Variants in FAF1 observed in about 807,000 individuals in gnomAD.
FAF1 encodes Fas associated factor 1.
Under a neutral mutation model 92.5 loss-of-function variants are expected in FAF1, and 25 were observed. That is an observed-to-expected ratio of 0.27 (90% CI 0.20 to 0.38). The LOEUF (loss-of-function observed/expected upper bound fraction) is 0.38. Ranked by LOEUF, FAF1 falls within the 10% of genes least tolerant of loss-of-function variation. The pLI, the probability that FAF1 is intolerant of heterozygous loss-of-function variation, is 1.00. For missense variants in FAF1, 636 were observed against 793.3 expected (o/e 0.80, Z 2.38); for synonymous variants, 234 against 273.2 (o/e 0.86, Z 1.42).
intron 1 of FAF1, among the ~76,000 whole-genome samples, chr1:50,947,187 C>CT (rs35695196): frequency 1 from 151,976 of 152,328 alleles, 75,813 homozygotes; most frequent in Middle Eastern, 1. Flanking sequence ...TCAACCACTA[C>CT]TTCCCTTAGG....
At chr1:50,734,733 CAAA>C (rs71672961) in intron 6 of FAF1, among the ~76,000 whole-genome samples, 2 of 84,182 alleles carry the variant, frequency 2.4e-5, no homozygotes, top group Admixed American at 1.4e-4. Flanking sequence ...GACTCCATCT[CAAA>C]AAAAAAAAAA....
At chr1:50,952,180 G>A (rs1017263715) in intron 1 of FAF1, among the ~76,000 whole-genome samples, 6 of 152,150 alleles carry the variant, frequency 3.9e-5, no homozygotes, top group South Asian at 2.1e-4. Context: ...CTGGACTGCC[G>A]CCATCTCGGC....
intron 2 of FAF1, among the ~76,000 whole-genome samples, chr1:50,819,788 CATAT>C (rs778909423): frequency 1.8e-5 from 1 of 54,216 alleles, no homozygotes; most frequent in South Asian, 6.1e-4. Context: ...CATATATATA[CATAT>C]ATATATATAC....
At chr1:50,485,031 C>A (rs907946660) in intron 17 of FAF1, among the ~76,000 whole-genome samples, 1 of 151,158 alleles carries the variant, frequency 6.6e-6, no homozygotes, top group East Asian at 1.9e-4. Flanking sequence ...GTGCAGCACA[C>A]CAACATGGCA....
intron 1 of FAF1, among the ~76,000 whole-genome samples, chr1:50,882,518 C>T (rs1046396314): frequency 6.6e-6 from 1 of 151,868 alleles, no homozygotes; most frequent in African/African-American, 2.4e-5. Flanking sequence ...AGAAGAATGG[C>T]TTGAGCCCGA....
intron 2 of FAF1, among the ~76,000 whole-genome samples, chr1:50,817,414 T>C (rs1416160185): frequency 2.0e-5 from 3 of 152,230 alleles, no homozygotes; most frequent in Non-Finnish European, 4.4e-5. Flanking sequence ...TGATTCCATT[T>C]ACATGAGGTA....
At chr1:50,706,416 A>T (rs2124425122) in intron 6 of FAF1, among the ~76,000 whole-genome samples, 1 of 152,320 alleles carries the variant, frequency 6.6e-6, no homozygotes, top group African/African-American at 2.4e-5. Context: ...TTCACTTAGG[A>T]CTCAGTAATA....
chr1:50,760,865 C>CA (rs1244302584), intron 4 of FAF1, among the ~76,000 whole-genome samples: 23 of 151,964 alleles, frequency 1.5e-4, no homozygotes, highest in Non-Finnish European at 2.9e-4. Flanking sequence ...AATAGAGACA[C>CA]AAAAAACCCT....
intron 4 of FAF1, among the ~76,000 whole-genome samples, chr1:50,762,785 A>G (rs1384641775): frequency 6.6e-6 from 1 of 152,066 alleles, no homozygotes; most frequent in Non-Finnish European, 1.5e-5. Flanking sequence ...ATGGGCAAGG[A>G]CTTCATGTCT....
At chr1:50,901,553 A>C (rs1022245823) in intron 1 of FAF1, among the ~76,000 whole-genome samples, 1 of 151,644 alleles carries the variant, frequency 6.6e-6, no homozygotes, top group African/African-American at 2.4e-5. Flanking sequence ...TTAAAAATTT[A>C]AAAAGAAAAA....
At chr1:50,754,813 G>A (rs1660012164) in intron 4 of FAF1, among the ~76,000 whole-genome samples, 1 of 152,134 alleles carries the variant, frequency 6.6e-6, no homozygotes, top group Non-Finnish European at 1.5e-5. Context: ...TGGAAGGCAA[G>A]GAGGAGCAAG....
intron 7 of FAF1, among the ~76,000 whole-genome samples, chr1:50,685,988 C>A (rs942144356): frequency 6.6e-6 from 1 of 152,126 alleles, no homozygotes; most frequent in Non-Finnish European, 1.5e-5. Context: ...TAATTAATAT[C>A]TTTATTCCCT....
At chr1:50,635,105 A>T (rs1279958592) in intron 8 of FAF1, among the ~76,000 whole-genome samples, 1 of 152,202 alleles carries the variant, frequency 6.6e-6, no homozygotes, top group Non-Finnish European at 1.5e-5. Context: ...ACCAAAATAG[A>T]GTACTACTGC....
rs866892034 is a variant in FAF1, at chr1:50,889,520, C to G, written c.46-31523G>C. 3.9e-5 allele frequency among the ~76,000 whole-genome samples: 6 copies of G among 152,330 alleles called. No homozygotes were observed. In the South Asian group the frequency reaches 1.2e-3, roughly 32 times the overall value. On this transcript the variant is annotated intron_variant, in intron 1 of 18. Transcript: ENST00000396153. ...GGCATTTAGTGCTATAAATTTCCCT[C>G]TACACACTGCTTTAAATGTGTCCCA... is the stretch of plus-strand genomic sequence containing the variant.
chr1:50,609,191 T>G (rs1281078884), intron 8 of FAF1, among the ~76,000 whole-genome samples: 3 of 152,232 alleles, frequency 2.0e-5, no homozygotes, highest in Middle Eastern at 3.2e-3. Context: ...GCTTTAGGTT[T>G]GTGAATAAAG....
intron 1 of FAF1, among the ~76,000 whole-genome samples, chr1:50,919,720 C>T (rs1371900060): frequency 6.6e-6 from 1 of 152,102 alleles, no homozygotes; most frequent in Non-Finnish European, 1.5e-5. Context: ...AACTCCTGAC[C>T]TCGTGATCCA....
At chr1:50,825,907 C>T (rs1282254609) in intron 2 of FAF1, among the ~76,000 whole-genome samples, 1 of 151,898 alleles carries the variant, frequency 6.6e-6, no homozygotes, top group Non-Finnish European at 1.5e-5. Flanking sequence ...AAGCAGTATA[C>T]CTCAAAATAA....
intron 1 of FAF1, among the ~76,000 whole-genome samples, chr1:50,875,082 A>C (rs2124683620): frequency 6.6e-6 from 1 of 152,046 alleles, no homozygotes; most frequent in Admixed American, 6.6e-5. Flanking sequence ...TTATATATGA[A>C]TTCATATTAA....
chr1:50,562,401 C>G (rs1328913318), intron 13 of FAF1, among the ~76,000 whole-genome samples: 1 of 152,104 alleles, frequency 6.6e-6, no homozygotes, highest in Admixed American at 6.6e-5. Flanking sequence ...TCCTTCTCTC[C>G]TCAATTATTT....
Sources: allele counts gnomAD v4.1 joint callset (sites outside exome capture counted in the v4.1 genomes callset), GRCh38; gene constraint gnomAD v4.1.1; transcripts MANE v1.5; gene names NCBI Gene and HGNC (gene_info 2026-07-23, HGNC 2026-07-21).